OGA: variants seen among roughly 807,000 people sequenced by gnomAD.
The protein encoded by OGA is O-GlcNAcase, also known as protein O-GlcNAcase.
OGA carries 21 observed loss-of-function variants against 102.0 expected under a neutral mutation model. The ratio of observed to expected loss-of-function variants is 0.21; its 90% CI spans 0.15 to 0.30. The LOEUF (loss-of-function observed/expected upper bound fraction) is 0.30. Among genes scored for constraint, OGA ranks in the 10% least tolerant of loss-of-function variants. The probability of loss-of-function intolerance (pLI) is 1.00; values close to 1 mark genes in which losing one functional copy is unlikely to be tolerated. For missense variants in OGA, 765 were observed against 1,107.8 expected (o/e 0.69, Z 4.39); for synonymous variants, 408 against 378.2 (o/e 1.08, Z -0.91).
Position 101,803,829 on chromosome 10 carries a change from T to C in OGA, c.942A>G (p.Pro314=), listed in dbSNP as rs777717183. ...CGTAGTTGGCTTCAAATTCACAATT[T>C]GGATTAGTGAGGACTCCTTTTAACC... is the stretch of plus-strand genomic sequence containing the variant. ...IPRLKGVLTN[P]NCEFEANYVA... Residue 314 remains proline (P), a synonymous_variant, in exon 7 of 16, where the codon CCA becomes CCG. Transcript: ENST00000361464. 3.7e-6 allele frequency: 6 copies of C among 1,614,094 alleles called. No homozygotes were observed. The African/African-American group carries it at 4.0e-5, about 11-fold the overall frequency.
At chr10:101,800,173 G>C in intron 8 of OGA, 69 bp downstream of exon 8, 1 of 1,510,728 alleles carries the variant, frequency 6.6e-7, no homozygotes, top group South Asian at 1.2e-5. Context: ...ACACCCGGGA[G>C]ACAGTGTTCT....
intron 10 of OGA, 42 bp downstream of exon 10, chr10:101,797,937 GA>G: frequency 6.4e-7 from 1 of 1,573,070 alleles, no homozygotes; most frequent in South Asian, 1.1e-5. Flanking sequence ...TTTTTAAAGG[GA>G]CAATATATTT....
At chr10:101,791,470 C>G (rs754876439) in intron 12 of OGA, 31 bp from the exon 13 acceptor site, 13 of 1,569,948 alleles carry the variant, frequency 8.3e-6, no homozygotes, top group Non-Finnish European at 1.1e-5. Context: ...AGCAACACAT[C>G]AAGAAAAATG....
At position 101,798,893 on chromosome 10, in the gene OGA, T is replaced by G. The variant is rs1408021407; in HGVS notation, c.1758A>C (p.Arg586=). 6.2e-7 allele frequency: 1 copy of G among 1,614,036 alleles called. No individual in the cohort carries two copies. Among genetic ancestry groups the G allele is most frequent in the Non-Finnish European group, 8.5e-7 (1 of 1,180,026 alleles). The change falls in exon 9 of 16, where the codon CGA becomes CGC. Residue 586 remains arginine (R), a synonymous_variant. Transcript: ENST00000361464. ...TGACACTGACAACACTACTATTTGCTCGAAGCCATTGAAATTCCCGTAACA... is the reference window on the plus strand; with the variant it reads ...TGACACTGACAACACTACTATTTGCGCGAAGCCATTGAAATTCCCGTAACA... ...AQMLREFQWL[R]ANSSVVSVNC... is the part of the protein sequence containing the mutation.
chr10:101,804,067 A>G lies in OGA; in HGVS notation c.752-48T>C, dbSNP rs769551167. The G allele has an allele frequency of 3.3e-6, 5 of 1,526,840 alleles. No individual in the cohort carries two copies. The African/African-American group carries it at 6.9e-5, about 21-fold the overall frequency. The allele number at this position is 1,526,840 out of a possible 1,614,324, so 94.6% of individuals were successfully genotyped here. The stretch of plus-strand genomic sequence containing the variant: ...GTTAAAAGAATCATGGTTCTTGGCT[A>G]GACGCATTGGCTCATAACTGTAATC... On this transcript the variant is annotated intron_variant, in intron 6 of 15. Coordinates refer to ENST00000361464, the MANE Select transcript of OGA (RefSeq NM_012215.5).
intron 12 of OGA, 21 bp downstream of exon 12, chr10:101,792,818 G>A (rs762625526): frequency 2.6e-6 from 4 of 1,512,930 alleles, no homozygotes; most frequent in Admixed American, 1.7e-5. Flanking sequence ...ACACCAAGTT[G>A]GTAGGTAGAG....
rs979380770 is a variant in OGA, at chr10:101,784,777, G to A, written c.*1674C>T. ...TAGAATTGTCCACTAGTGTTAAGAC[G>A]AGAAAACTGAGGAAAACTCAGCTGT... On this transcript the variant is annotated 3_prime_UTR_variant, in exon 16 of 16. Coordinates refer to ENST00000361464, the MANE Select transcript of OGA (RefSeq NM_012215.5). The A allele has an allele frequency of 6.6e-6, 1 of 152,198 alleles. No homozygotes were observed. The highest frequency in any genetic ancestry group is 1.5e-5 in the Non-Finnish European group (1 of 68,032). 9.4% of individuals were successfully genotyped at this position (152,198 alleles called of 1,614,324 possible). A position where few individuals can be genotyped will look rare whatever the true frequency, so the allele number is the denominator to read the frequency against.
intron 6 of OGA, among the ~76,000 whole-genome samples, chr10:101,805,816 G>A (rs957826613): frequency 1.4e-4 from 21 of 151,984 alleles, no homozygotes; most frequent in African/African-American, 3.9e-4. Context: ...TTAGCCAGGC[G>A]TGGTGGCGGG....
intron 1 of OGA, among the ~76,000 whole-genome samples, chr10:101,816,038 G>C (rs1308039775): frequency 1.4e-5 from 2 of 139,362 alleles, no homozygotes; most frequent in Non-Finnish European, 3.1e-5. Flanking sequence ...TTGGAAGACC[G>C]AGGCGGGCGG....
chr10:101,814,282 T>G (rs1349937940), intron 1 of OGA, among the ~76,000 whole-genome samples: 1 of 152,020 alleles, frequency 6.6e-6, no homozygotes, highest in Non-Finnish European at 1.5e-5. Context: ...GAGCCGAGAC[T>G]GCGTCACTGC....
chr10:101,795,909 G>A, intron 10 of OGA: 3 of 982,804 alleles, frequency 3.1e-6, no homozygotes, highest in Admixed American at 1.2e-4. Context: ...TTGAGATTGT[G>A]TAAGAGGTAT....
chr10:101,813,633 T>C, intron 1 of OGA, 27 bp from the exon 2 acceptor site: 2 of 1,401,808 alleles, frequency 1.4e-6, no homozygotes, highest in Non-Finnish European at 1.0e-6. Flanking sequence ...AATGAAATTA[T>C]ATTCAGTTTT....
In OGA at chr10:101,806,163, T is replaced by TA. The variant is rs771995763; in HGVS notation, c.653-21dup. 1.4e-6 allele frequency: 2 copies of TA among 1,449,352 alleles called. No individual in the cohort carries two copies. Among genetic ancestry groups the TA allele is most frequent in the Non-Finnish European group, 1.9e-6 (2 of 1,032,628 alleles). The allele number at this position is 1,449,352 out of a possible 1,614,324, so 89.8% of individuals were successfully genotyped here. A position where few individuals can be genotyped will look rare whatever the true frequency, so the allele number is the denominator to read the frequency against. On this transcript the variant is annotated intron_variant, in intron 5 of 15. Transcript: ENST00000361464. ...AGTATTCTAAATGTAGGGAGAAAAG[T>TA]AAAAAAGTCAGAATTAAAATGCTCA...
At chr10:101,815,319 C>T (rs780933005) in intron 1 of OGA, among the ~76,000 whole-genome samples, 29 of 152,000 alleles carry the variant, frequency 1.9e-4, no homozygotes, top group Non-Finnish European at 3.7e-4. Context: ...CACTCTGTCG[C>T]CCAGGCTGGA....
At position 101,796,507 on chromosome 10, in the gene OGA, G is replaced by A. The variant is rs532307123; in HGVS notation, c.1984+1473C>T. The stretch of plus-strand genomic sequence containing the variant: ...AAACTCCTGACCTTGTGGTCTGCCC[G>A]CCTAGGCCTCCCTAAGTGCTGGGAC... On this transcript the variant is annotated intron_variant, in intron 10 of 15. Coordinates refer to ENST00000361464, the MANE Select transcript of OGA (RefSeq NM_012215.5). Among the ~76,000 whole-genome samples the A allele has an allele frequency of 5.3e-5, 8 of 151,922 alleles. No homozygotes were observed. The East Asian group carries it at 9.7e-4, about 18-fold the overall frequency.
intron 3 of OGA, among the ~76,000 whole-genome samples, chr10:101,811,119 A>G (rs1357505255): frequency 3.3e-5 from 5 of 151,836 alleles, no homozygotes; most frequent in South Asian, 2.1e-4. Flanking sequence ...GCCAGGCCCA[A>G]TGGCTCATGC....
Position 101,803,969 on chromosome 10 carries a change from A to C in OGA, c.802T>G (p.Ser268Ala). The change falls in exon 7 of 16, where the codon TCT (serine) becomes GCT (alanine). Residue 268 changes from serine to alanine, a missense_variant. Physicochemically the swap from Ser to Ala is moderately conservative, Grantham distance 99. Around this residue, in one of 7 missense-constraint regions of OGA, gnomAD observed 165 missense variants for 249.7 expected, o/e 0.66. Transcript: ENST00000361464. Reference protein sequence around the residue: ...EIPVESIEEVSKIIKRAPVIW... With the variant: ...EIPVESIEEVAKIIKRAPVIW... Reference sequence around the variant, plus strand: ...ACTGGAGCTCTCTTAATAATCTTAGAAACCTCTTCGATGGACTCTACTGGA... The same window carrying C: ...ACTGGAGCTCTCTTAATAATCTTAGCAACCTCTTCGATGGACTCTACTGGA... 1 of 1,614,036 alleles carries C rather than the reference A, an allele frequency of 6.2e-7. No individual in the cohort carries two copies.
chr10:101,813,499 A>G (rs1209151827), intron 2 of OGA, 56 bp downstream of exon 2: 5 of 1,143,254 alleles, frequency 4.4e-6, no homozygotes, highest in Non-Finnish European at 6.3e-6. Flanking sequence ...CTTCAAACAA[A>G]AGAAAATGTT....
In OGA at chr10:101,787,370, C is replaced by A; in HGVS notation, c.2608G>T (p.Ala870Ser). ...MMACLLSSLKANGSRGAFCEV... is the reference protein window; with the variant it reads ...MMACLLSSLKSNGSRGAFCEV... ...TCCACAAATATGTACTCACCATTAG[C>A]CTTCAGTGAAGACAGGAGGCAAGCC... Residue 870 changes from alanine to serine, a missense_variant, in exon 15 of 16, where the codon GCT becomes TCT. Transcript: ENST00000361464. The A allele has an allele frequency of 6.2e-7, 1 of 1,612,450 alleles. No individual in the cohort carries two copies. The highest frequency in any genetic ancestry group is 8.5e-7 in the Non-Finnish European group (1 of 1,178,616).
Sources: gnomAD v4.1 joint callset for allele counts (sites outside exome capture counted in the v4.1 genomes callset) on GRCh38, gnomAD v4.1.1 for gene constraint, gnomAD v4.1.1 regional missense constraint, MANE v1.5 for transcripts, NCBI Gene and HGNC (gene_info 2026-07-23, HGNC 2026-07-21) for gene names.